The following CEP57L1 variants were observed in gnomAD, a reference collection of about 807,000 sequenced individuals.
The protein encoded by CEP57L1 is centrosomal protein 57 like 1, also known as centrosomal protein CEP57L1.
A neutral mutation model predicts 61.0 loss-of-function variants in CEP57L1; 37 were observed. The ratio of observed to expected loss-of-function variants is 0.61; its 90% CI spans 0.47 to 0.80. The LOEUF (loss-of-function observed/expected upper bound fraction) is 0.80. CEP57L1 is among the 30% of genes least tolerant of loss of function. CEP57L1 has a pLI of 0.00. For missense variants in CEP57L1, 422 were observed against 524.7 expected, an observed-to-expected ratio of 0.80 and a Z score of 1.91; for synonymous variants, 137 against 162.3, an observed-to-expected ratio of 0.84 and a Z score of 1.19.
chr6:109,113,028 G>A (rs757982497), intron 1 of CEP57L1, among the ~76,000 whole-genome samples: 10 of 152,038 alleles, frequency 6.6e-5, no homozygotes, highest in Non-Finnish European at 1.3e-4. Flanking sequence ...TCTTAGGTCC[G>A]CTTGGTCCAG....
chr6:109,101,623 C>CTTTTTTTTTTTTTT, intron 1 of CEP57L1, among the ~76,000 whole-genome samples: 1 of 139,930 alleles, frequency 7.1e-6, no homozygotes, highest in Non-Finnish European at 1.5e-5. Context: ...TTTCTTTTTT[C>CTTTTTTTTTTTTTT]TTTTTTTTTT....
intron 1 of CEP57L1, among the ~76,000 whole-genome samples, chr6:109,139,482 T>A (rs574629451): frequency 1.3e-5 from 2 of 151,454 alleles, no homozygotes; most frequent in Non-Finnish European, 3.0e-5. Context: ...TTTTCTTTTT[T>A]CTTTTTTTTT....
chr6:109,107,755 A>G (rs1233455630), intron 1 of CEP57L1, among the ~76,000 whole-genome samples: 1 of 152,122 alleles, frequency 6.6e-6, no homozygotes, highest in Non-Finnish European at 1.5e-5. Flanking sequence ...AGCTTGGCCA[A>G]CATGGTGAAA....
At position 109,173,608 on chromosome 6, in the gene CEP57L1, A is replaced by AT. The variant is rs1262846803; in HGVS notation, c.*10649dup. Among the ~76,000 whole-genome samples the AT allele has an allele frequency of 4.0e-4, 52 of 128,768 alleles. No homozygotes were observed. The highest frequency in any genetic ancestry group is 5.1e-4 in the South Asian group (2 of 3,916). The allele number at this position is 128,768 out of a possible 152,430, so 84.5% of individuals were successfully genotyped here. ...CCTGGCTAATTAAAAAAAAAAAAAA[A>AT]TTTTTTTTTTTGAGGAGACGCGGTC... On this transcript the variant is annotated 3_prime_UTR_variant, in exon 11 of 11. Coordinates refer to ENST00000517392, the MANE Select transcript of CEP57L1 (RefSeq NM_001271852.3).
rs1012005797 is a variant in CEP57L1 at position 109,167,134 on chromosome 6, C to G, written c.*4164C>G. ...TTCTTGGTAATTAAATAGACCTTCTCAATGCCTCAGCCTTTTTCTTCATAT... is the reference window on the plus strand; with the variant it reads ...TTCTTGGTAATTAAATAGACCTTCTGAATGCCTCAGCCTTTTTCTTCATAT... On this transcript the variant is annotated 3_prime_UTR_variant, in exon 11 of 11. Transcript: ENST00000517392. Among the ~76,000 whole-genome samples the G allele has an allele frequency of 3.3e-5, 5 of 152,218 alleles. No individual in the cohort carries two copies. The highest frequency in any genetic ancestry group is 2.0e-4 in the Admixed American group (3 of 15,280).
intron 1 of CEP57L1, among the ~76,000 whole-genome samples, chr6:109,105,152 A>C (rs1770775698): frequency 6.6e-6 from 1 of 152,098 alleles, no homozygotes; most frequent in Admixed American, 6.5e-5. Flanking sequence ...TTTTAAAGAT[A>C]TCATCAATGA....
intron 1 of CEP57L1, among the ~76,000 whole-genome samples, chr6:109,130,096 C>A (rs1453968382): frequency 1.3e-5 from 2 of 152,184 alleles, no homozygotes; most frequent in East Asian, 3.9e-4. Context: ...TGTTATGGAA[C>A]CAAGCCCATC....
rs1298260523 is a variant in CEP57L1, at chr6:109,174,099, C to CAAAA, written c.*11141_*11144dup. Among the ~76,000 whole-genome samples, 18 of 81,922 alleles carry CAAAA rather than the reference C, an allele frequency of 2.2e-4. No individual in the cohort carries two copies. Among genetic ancestry groups the CAAAA allele is most frequent in the African/African-American group, 7.7e-4 (16 of 20,892 alleles). The allele number at this position is 81,922 out of a possible 152,430, so 53.7% of individuals were successfully genotyped here. On this transcript the variant is annotated 3_prime_UTR_variant, in exon 11 of 11. Coordinates refer to ENST00000517392, the MANE Select transcript of CEP57L1 (RefSeq NM_001271852.3). ...TGAGCCATAGAGTGAGTCTTGGTCT[C>CAAAA]AAAAAAAAAAAAAAACCTTGTGTTG...
At chr6:109,112,642 G>A (rs1463292896) in intron 1 of CEP57L1, among the ~76,000 whole-genome samples, 1 of 151,960 alleles carries the variant, frequency 6.6e-6, no homozygotes, top group Non-Finnish European at 1.5e-5. Flanking sequence ...TCTCTTGTGG[G>A]CATTTAGTGC....
rs1432002081 is a variant in CEP57L1, at chr6:109,135,570, T to A, written c.-3-9649T>A. On this transcript the variant is annotated intron_variant, in intron 1 of 10. Coordinates refer to ENST00000517392, the MANE Select transcript of CEP57L1 (RefSeq NM_001271852.3). ...AAAGCCAAAATTGACAAATGGGATC[T>A]AATTAAACTAAAGAGCTTCTGCCCA... 7.2e-5 allele frequency among the ~76,000 whole-genome samples: 11 copies of A among 152,158 alleles called. 1 individual carries two copies. In the South Asian group the frequency reaches 1.7e-3, roughly 23 times the overall value.
chr6:109,129,243 C>A, intron 1 of CEP57L1: 1 of 573,090 alleles, frequency 1.7e-6, no homozygotes, highest in Non-Finnish European at 2.4e-6. Context: ...CAAATCTATC[C>A]AATCAATTCA....
chr6:109,143,365 T>C (rs979085817), intron 1 of CEP57L1, among the ~76,000 whole-genome samples: 1 of 152,306 alleles, frequency 6.6e-6, no homozygotes, highest in East Asian at 1.9e-4. Flanking sequence ...GTGCTTTATA[T>C]AAATAAGCTT....
intron 1 of CEP57L1, among the ~76,000 whole-genome samples, chr6:109,114,455 GC>G (rs1266409247): frequency 6.6e-6 from 1 of 151,570 alleles, no homozygotes; most frequent in Non-Finnish European, 1.5e-5. Context: ...TTGGGTGTTA[GC>G]CCCTCATGTA....
chr6:109,103,649 TTACTA>T (rs1189878418), intron 1 of CEP57L1, among the ~76,000 whole-genome samples: 1 of 152,158 alleles, frequency 6.6e-6, no homozygotes, highest in Non-Finnish European at 1.5e-5. Flanking sequence ...GTCTCCAAAT[TTACTA>T]TAGTATGCTT....
At chr6:109,150,376 AAAAGG>A (rs1334540788) in intron 4 of CEP57L1, 137 bp downstream of exon 4, 9 of 1,017,584 alleles carry the variant, frequency 8.8e-6, no homozygotes, top group South Asian at 1.5e-5. Context: ...TTGGAGTTTC[AAAAGG>A]AAAGGAAAGG....
At chr6:109,157,243 G>A (rs1383314715) in intron 7 of CEP57L1, 2 of 152,166 alleles carry the variant, frequency 1.3e-5, no homozygotes, top group East Asian at 1.9e-4. Context: ...GATGGAGGGA[G>A]TGCTAAAGTT....
intron 10 of CEP57L1, among the ~76,000 whole-genome samples, chr6:109,161,819 G>A (rs1233668616): frequency 6.6e-6 from 1 of 151,890 alleles, no homozygotes; most frequent in Non-Finnish European, 1.5e-5. Context: ...AATAGCTATA[G>A]CAGTATAAAT....
intron 9 of CEP57L1, among the ~76,000 whole-genome samples, chr6:109,160,077 A>G (rs540996087): frequency 2.6e-5 from 4 of 152,232 alleles, no homozygotes; most frequent in Non-Finnish European, 4.4e-5. Context: ...TTAAATATAT[A>G]TTCAACAGAA....
Position 109,173,732 on chromosome 6 carries a change from C to T in CEP57L1, c.*10762C>T, listed in dbSNP as rs1774511681. ...GGATTACAGGCATGAGCCACTGTGC[C>T]CGGCAGAATTTTTCTGTGTCCATTA... is the stretch of plus-strand genomic sequence containing the variant. On this transcript the variant is annotated 3_prime_UTR_variant, in exon 11 of 11. Transcript: ENST00000517392. 6.6e-6 allele frequency among the ~76,000 whole-genome samples: 1 copy of T among 151,702 alleles called. No individual in the cohort carries two copies.
Sources: allele counts gnomAD v4.1 joint callset (sites outside exome capture counted in the v4.1 genomes callset), GRCh38; gene constraint gnomAD v4.1.1; transcripts MANE v1.5; gene names NCBI Gene and HGNC (gene_info 2026-07-23, HGNC 2026-07-21).